BFSP1: variants seen among roughly 807,000 people sequenced by gnomAD.
The protein encoded by BFSP1 is filensin.
In BFSP1, 38 loss-of-function variants were observed where a neutral mutation model predicts 43.9. That is an observed-to-expected ratio of 0.87 (90% confidence interval 0.67 to 1.14). The LOEUF is 1.14. BFSP1 is among the 50% of genes most tolerant of loss of function. The pLI is 0.00. For synonymous variants in BFSP1, 352 were observed against 354.8 expected (o/e 0.99, Z 0.09); for missense variants, 850 against 875.1 (o/e 0.97, Z 0.36).
At chr20:17,512,892 A>G (rs1389609544) in intron 3 of BFSP1, among the ~76,000 whole-genome samples, 1 of 152,182 alleles carries the variant, frequency 6.6e-6, no homozygotes, top group African/African-American at 2.4e-5. Flanking sequence ...TCTGTAAAAC[A>G]GGGATAACTA....
intron 1 of BFSP1, among the ~76,000 whole-genome samples, chr20:17,550,826 C>T (rs1044841064): frequency 2.6e-5 from 4 of 152,212 alleles, no homozygotes; most frequent in African/African-American, 9.6e-5. Context: ...GACATCTGGA[C>T]ATTTTTTTCT....
chr20:17,524,127 C>T (rs569611286), intron 2 of BFSP1, among the ~76,000 whole-genome samples: 2 of 152,264 alleles, frequency 1.3e-5, no homozygotes, highest in Admixed American at 6.5e-5. Context: ...AGCTCAAAAA[C>T]GATCAGAAAA....
intron 1 of BFSP1, among the ~76,000 whole-genome samples, chr20:17,564,104 A>G (rs1157832340): frequency 1.3e-5 from 2 of 151,996 alleles, no homozygotes; most frequent in African/African-American, 4.8e-5. Flanking sequence ...AGGCGGAGGC[A>G]GGAGGATCAC....
upstream of BFSP1, among the ~76,000 whole-genome samples, chr20:17,563,710 T>TA (rs1173623034): frequency 1.2e-4 from 18 of 151,846 alleles, no homozygotes; most frequent in African/African-American, 4.1e-4. Context: ...AGGGAGATCT[T>TA]GTTTCCACAC....
chr20:17,502,970 G>C (rs1028112190), intron 5 of BFSP1, among the ~76,000 whole-genome samples: 1 of 152,192 alleles, frequency 6.6e-6, no homozygotes, highest in African/African-American at 2.4e-5. Context: ...AGAGAACATA[G>C]AGGGGCCATG....
In BFSP1 at chr20:17,498,204, A is replaced by C. The variant is rs190506665; in HGVS notation, c.956+616T>G. Among the ~76,000 whole-genome samples, 4 of 152,240 alleles carry C rather than the reference A, an allele frequency of 2.6e-5. No homozygotes were observed. In the East Asian group the frequency reaches 7.7e-4, roughly 29 times the overall value. ...GTGAAGAATCACAAATTAATTCCCAACCCGTTCTCTGGAAATCACCGTAGC... is the reference window on the plus strand; with the variant it reads ...GTGAAGAATCACAAATTAATTCCCACCCCGTTCTCTGGAAATCACCGTAGC... On this transcript the variant is annotated intron_variant, in intron 6 of 7. Transcript: ENST00000377873.
At chr20:17,505,160 T>C (rs2033903448) in intron 5 of BFSP1, among the ~76,000 whole-genome samples, 1 of 152,216 alleles carries the variant, frequency 6.6e-6, no homozygotes, top group Admixed American at 6.5e-5. Context: ...TCCGAAGTGC[T>C]TCCTCCGGGG....
Position 17,511,739 on chromosome 20 carries a change from G to GA in BFSP1, c.627+236dup, listed in dbSNP as rs5840773. ...GAAGAACAGCTCATAATTCTCAAGA[G>GA]AAAATACCGAAGAAAATGGTCAAGG... On this transcript the variant is annotated intron_variant, in intron 4 of 7. Transcript: ENST00000377873. Among the ~76,000 whole-genome samples, 33,146 of 152,114 alleles carry GA rather than the reference G, an allele frequency of 0.22. 4,211 individuals carry two copies. The highest frequency in any genetic ancestry group is 0.35 in the African/African-American group (14,550 of 41,448).
Position 17,546,559 on chromosome 20 carries a change from G to A in BFSP1, c.2+12129C>T, listed in dbSNP as rs187872076. Among the ~76,000 whole-genome samples, 213 of 152,144 alleles carry A rather than the reference G, an allele frequency of 1.4e-3. 2 individuals are homozygous for A. Among genetic ancestry groups the A allele is most frequent in the Admixed American group, 0.013 (206 of 15,272 alleles). ...TCTACTAAAAATATAAAAATTAGCT[G>A]GGTGTGGTGGTGCACACCTGTAGTC... is the stretch of plus-strand genomic sequence containing the variant. On this transcript the variant is annotated intron_variant, in intron 1 of 7. Transcript: ENST00000377868.
chr20:17,527,910 A>G (rs1187343837), intron 1 of BFSP1, among the ~76,000 whole-genome samples: 1 of 152,118 alleles, frequency 6.6e-6, no homozygotes, highest in Non-Finnish European at 1.5e-5. Context: ...TTGTATTTTG[A>G]TAGTTTTGTT....
intron 1 of BFSP1, among the ~76,000 whole-genome samples, chr20:17,553,778 T>TAC: frequency 4.7e-5 from 3 of 63,538 alleles, no homozygotes; most frequent in East Asian, 3.3e-4. Flanking sequence ...TATATAAACA[T>TAC]ATATATATAT....
At chr20:17,537,891 G>C (rs1241274133) in intron 1 of BFSP1, among the ~76,000 whole-genome samples, 1 of 152,160 alleles carries the variant, frequency 6.6e-6, no homozygotes, top group Non-Finnish European at 1.5e-5. Flanking sequence ...GTCGAGGCAG[G>C]AGGGTTACTT....
At chr20:17,511,936 C>T in intron 4 of BFSP1, 40 bp downstream of exon 4, 1 of 1,531,032 alleles carries the variant, frequency 6.5e-7, no homozygotes, top group Non-Finnish European at 9.0e-7. Flanking sequence ...GTACAGCTTC[C>T]CTCCAGGGCT....
chr20:17,499,601 C>T (rs767551474), intron 5 of BFSP1, among the ~76,000 whole-genome samples: 5 of 151,930 alleles, frequency 3.3e-5, no homozygotes, highest in Non-Finnish European at 5.9e-5. Context: ...AGGCCCACCC[C>T]AAAGGCAGTC....
chr20:17,543,665 A>G (rs923422234), intron 1 of BFSP1, among the ~76,000 whole-genome samples: 7 of 152,250 alleles, frequency 4.6e-5, no homozygotes, highest in Non-Finnish European at 8.8e-5. Context: ...CAAAAAATCT[A>G]TCAGCTCATC....
At position 17,512,166 on chromosome 20, in the gene BFSP1, C is replaced by T. The variant is rs2034098882; in HGVS notation, c.535-98G>A. 4 of 910,214 alleles carry T rather than the reference C, an allele frequency of 4.4e-6. No homozygotes were observed. The South Asian group carries it at 4.7e-5, about 11-fold the overall frequency. The allele number at this position is 910,214 out of a possible 1,614,324, so 56.4% of individuals were successfully genotyped here. On this transcript the variant is annotated intron_variant, in intron 3 of 7. Coordinates refer to ENST00000377873, the MANE Select transcript of BFSP1 (RefSeq NM_001195.5). The stretch of plus-strand genomic sequence containing the variant: ...ACAGGAATGGACACTTCCGCACGCT[C>T]CCTCATCACAGACAGGACAGACCAT...
intron 6 of BFSP1, among the ~76,000 whole-genome samples, chr20:17,498,362 A>G (rs1224014462): frequency 1.3e-5 from 2 of 152,176 alleles, no homozygotes; most frequent in Non-Finnish European, 2.9e-5. Flanking sequence ...TGACTCAGCA[A>G]GGTGCTAAGA....
chr20:17,556,813 T>C lies in BFSP1; in HGVS notation c.2+1875A>G, dbSNP rs190684027. Among the ~76,000 whole-genome samples the C allele has an allele frequency of 6.9e-3, 1,056 of 152,290 alleles. 5 individuals are homozygous for C. Among genetic ancestry groups the C allele is most frequent in the South Asian group, 0.017 (83 of 4,826 alleles). Reference sequence around the variant, plus strand: ...TATAAATATGTGGCAGGAAAATTAATAGGGAACATTTATTTTCTTTCTTAG... The same window carrying C: ...TATAAATATGTGGCAGGAAAATTAACAGGGAACATTTATTTTCTTTCTTAG... On this transcript the variant is annotated intron_variant, in intron 1 of 7. Transcript: ENST00000377868.
rs34583097 is a variant in BFSP1, at chr20:17,499,403, CTTTTTTTT to C, written c.736-371_736-364del. On this transcript the variant is annotated intron_variant, in intron 5 of 7. Transcript: ENST00000377873. ...TACAGGCAAGCACCAACATGCTGGG[CTTTTTTTT>C]TTTTTTTTTTTTTTTGGTAGTGATA... Among the ~76,000 whole-genome samples, 266 of 82,078 alleles carry C rather than the reference CTTTTTTTT, an allele frequency of 3.2e-3. 3 individuals carry two copies. Among genetic ancestry groups the C allele is most frequent in the African/African-American group, 0.011 (254 of 22,660 alleles). 53.8% of individuals were successfully genotyped at this position (82,078 alleles called of 152,430 possible). A position where few individuals can be genotyped will look rare whatever the true frequency, so the allele number is the denominator to read the frequency against.
Sources: gnomAD v4.1 joint callset for allele counts (sites outside exome capture counted in the v4.1 genomes callset) on GRCh38, gnomAD v4.1.1 for gene constraint, MANE v1.5 for transcripts, NCBI Gene and HGNC (gene_info 2026-07-23, HGNC 2026-07-21) for gene names.